Variants in FKBP10 observed in about 807,000 individuals in gnomAD.
FKBP10 encodes the protein peptidyl-prolyl cis-trans isomerase FKBP10.
In FKBP10, 34 loss-of-function variants were observed where a neutral mutation model predicts 53.7. The observed-to-expected ratio is 0.63, with a 90% CI of 0.48 to 0.84. The LOEUF is 0.84. FKBP10 is among the 40% of genes least tolerant of loss of function. The pLI is 0.00. For missense variants in FKBP10, 748 were observed against 797.8 expected, an observed-to-expected ratio of 0.94 and a Z score of 0.75; for synonymous variants, 324 against 335.7, an observed-to-expected ratio of 0.97 and a Z score of 0.38.
At chr17:41,819,504 C>T (rs532883934) in intron 5 of FKBP10, 26 bp from the exon 6 acceptor site, 2 of 1,614,054 alleles carry the variant, frequency 1.2e-6, no homozygotes, top group Admixed American at 1.7e-5. Context: ...TGACTCCCTT[C>T]CTGGCCCTCC....
chr17:41,817,503 T>C (rs1033015087), intron 2 of FKBP10, among the ~76,000 whole-genome samples: 12 of 152,004 alleles, frequency 7.9e-5, no homozygotes, highest in African/African-American at 2.7e-4. Context: ...TGGTGGTGTG[T>C]GCCTGTAGTC....
chr17:41,816,503 G>C (rs142936259), intron 1 of FKBP10, among the ~76,000 whole-genome samples: 29 of 152,010 alleles, frequency 1.9e-4, no homozygotes, highest in African/African-American at 7.0e-4. Flanking sequence ...CTGCTCTCCC[G>C]TCTTTTCTTG....
At chr17:41,820,849 G>A (rs1029583646) in intron 7 of FKBP10, 98 bp from the exon 8 acceptor site, 27 of 1,511,632 alleles carry the variant, frequency 1.8e-5, no homozygotes, top group Admixed American at 1.0e-4. Flanking sequence ...GAGTAACTCC[G>A]GAACTGAGGG....
intron 4 of FKBP10, chr17:41,818,844 A>G: frequency 4.8e-6 from 2 of 417,582 alleles, no homozygotes; most frequent in South Asian, 4.4e-5. Context: ...AGTCCCAGCT[A>G]CTCGGAGAGG....
chr17:41,819,730 T>A (rs2047866344), intron 6 of FKBP10, 55 bp downstream of exon 6: 32 of 1,563,008 alleles, frequency 2.0e-5, no homozygotes, highest in Non-Finnish European at 2.8e-5. Flanking sequence ...GCCCATTGTG[T>A]CTAGGCCACC....
At chr17:41,815,264 C>T (rs1439494560) in intron 1 of FKBP10, among the ~76,000 whole-genome samples, 8 of 152,138 alleles carry the variant, frequency 5.3e-5, no homozygotes, top group Admixed American at 3.3e-4. Flanking sequence ...CCTCGTGATC[C>T]GCCCACCTCG....
In FKBP10 at chr17:41,813,210, T is replaced by C. The variant is rs958210960; in HGVS notation, c.176T>C (p.Val59Ala). 1.2e-6 allele frequency: 2 copies of C among 1,613,448 alleles called. No individual in the cohort carries two copies. Among genetic ancestry groups the C allele is most frequent in the Admixed American group, 1.7e-5 (1 of 60,010 alleles). ...ATCCCCAGGGCCTGTCCCCGGGAAG[T>C]GCAGATGGGGGATTTTGTGCGCTAC... ...YHIPRACPRE[V>A]QMGDFVRYHY... The change falls in exon 1 of 10, where the codon GTG (valine) becomes GCG (alanine). Residue 59 changes from valine (V) to alanine (A), a missense_variant. Transcript: ENST00000321562.
rs541858363 is a variant in FKBP10, at chr17:41,813,419, TCCCCAAAGATAC to T, written c.245+143_245+154del. On this transcript the variant is annotated intron_variant, in intron 1 of 9. Coordinates refer to ENST00000321562, the MANE Select transcript of FKBP10 (RefSeq NM_021939.4). Reference sequence around the variant, plus strand: ...CCCTGGGGCCTCCCAGACACCCATCTCCCCAAAGATACCCTCCTGCCCCCACTTCCAAACCCT... The same window carrying T: ...CCCTGGGGCCTCCCAGACACCCATCTCCTCCTGCCCCCACTTCCAAACCCT... 7 of 1,073,324 alleles carry T rather than the reference TCCCCAAAGATAC, an allele frequency of 6.5e-6. No homozygotes were observed. The African/African-American group carries it at 9.4e-5, about 14-fold the overall frequency. 66.5% of individuals were successfully genotyped at this position (1,073,324 alleles called of 1,614,324 possible). A position where few individuals can be genotyped will look rare whatever the true frequency, so the allele number is the denominator to read the frequency against.
rs529337443 is a variant in FKBP10, at chr17:41,818,189, G to A, written c.492G>A (p.Pro164=). The change falls in exon 3 of 10, where the codon CCG becomes CCA. Residue 164 remains proline (P), a synonymous_variant. Coordinates refer to ENST00000321562, the MANE Select transcript of FKBP10 (RefSeq NM_021939.4). ...DTVQVSTLLR[P]PHCPRMVQDG... The stretch of plus-strand genomic sequence containing the variant: ...TGCAGGTGAGCACATTGCTGCGCCC[G>A]CCCCACTGCCCCCGCATGGTCCAGG... 43 of 1,613,504 alleles carry A rather than the reference G, an allele frequency of 2.7e-5. No homozygotes were observed. The highest frequency in any genetic ancestry group is 1.3e-4 in the East Asian group (6 of 44,880).
Position 41,818,150 on chromosome 17 carries a change from C to T in FKBP10, c.453C>T (p.Asn151=). Residue 151 remains asparagine (N), a synonymous_variant, in exon 3 of 10, where the codon AAC becomes AAT. Coordinates refer to ENST00000321562, the MANE Select transcript of FKBP10 (RefSeq NM_021939.4). ...ATGTGGTTCTGCTGGATGTGTGGAACAAGGAAGACACCGTGCAGGTGAGCA... is the reference window on the plus strand; with the variant it reads ...ATGTGGTTCTGCTGGATGTGTGGAATAAGGAAGACACCGTGCAGGTGAGCA... ...YFDVVLLDVW[N]KEDTVQVSTL... The T allele has an allele frequency of 6.8e-6, 11 of 1,613,856 alleles. No individual in the cohort carries two copies. The highest frequency in any genetic ancestry group is 1.3e-5 in the African/African-American group (1 of 75,062).
At position 41,819,767 on chromosome 17, in the gene FKBP10, C is replaced by G. The variant is rs782194629; in HGVS notation, c.1063+92C>G. On this transcript the variant is annotated intron_variant, in intron 6 of 9. Coordinates refer to ENST00000321562, the MANE Select transcript of FKBP10 (RefSeq NM_021939.4). ...CCTCCCACAGTGGGATTCCAGGCACCGCTCGGCCCCTCTCATCACAAAAAC... is the reference window on the plus strand; with the variant it reads ...CCTCCCACAGTGGGATTCCAGGCACGGCTCGGCCCCTCTCATCACAAAAAC... 1.6e-5 allele frequency: 25 copies of G among 1,546,356 alleles called. No individual in the cohort carries two copies. In the South Asian group the frequency reaches 2.9e-4, roughly 18 times the overall value.
rs1402150304 is a variant in FKBP10 at position 41,815,143 on chromosome 17, A to G, written c.245+1864A>G. Among the ~76,000 whole-genome samples, 10 of 152,128 alleles carry G rather than the reference A, an allele frequency of 6.6e-5. 1 individual carries two copies. In the South Asian group the frequency reaches 2.1e-3, roughly 32 times the overall value. ...TATGTTGGCCAGACTGGTCTTGAAA[A>G]AGGCGGGTGGGTATTATAAGAAGAC... On this transcript the variant is annotated intron_variant, in intron 1 of 9. Coordinates refer to ENST00000321562, the MANE Select transcript of FKBP10 (RefSeq NM_021939.4).
intron 6 of FKBP10, 55 bp downstream of exon 6, chr17:41,819,730 T>C: frequency 6.4e-7 from 1 of 1,563,008 alleles, no homozygotes; most frequent in East Asian, 2.4e-5. Flanking sequence ...GCCCATTGTG[T>C]CTAGGCCACC....
intron 4 of FKBP10, chr17:41,818,899 T>TGAGCC (rs782715291): frequency 2.8e-5 from 11 of 399,458 alleles, no homozygotes; most frequent in East Asian, 1.6e-4. Flanking sequence ...GAGCTTGCAG[T>TGAGCC]GAGCCGAGAT....
chr17:41,815,205 C>T (rs117063665), intron 1 of FKBP10, among the ~76,000 whole-genome samples: 11,868 of 152,238 alleles, frequency 0.078, 578 homozygotes, highest in South Asian at 0.09. Context: ...TGGCTCCCTG[C>T]GGAGGCCCTG....
chr17:41,813,597 T>C (rs1555615746), intron 1 of FKBP10, among the ~76,000 whole-genome samples: 1 of 152,100 alleles, frequency 6.6e-6, no homozygotes, highest in African/African-American at 2.4e-5. Context: ...ATCTACAGTG[T>C]TGGGGGGAAG....
chr17:41,822,788 G>A lies in FKBP10; in HGVS notation c.*380G>A. On this transcript the variant is annotated 3_prime_UTR_variant, in exon 10 of 10. Transcript: ENST00000321562. Reference sequence around the variant, plus strand: ...AACTTTCTCTTTCTTTGTACTTCTTGTCATCCCCACTCCCAGCCCCTTTTC... The same window carrying A: ...AACTTTCTCTTTCTTTGTACTTCTTATCATCCCCACTCCCAGCCCCTTTTC... 1 of 348,476 alleles carries A rather than the reference G, an allele frequency of 2.9e-6. No individual in the cohort carries two copies. 21.6% of individuals were successfully genotyped at this position (348,476 alleles called of 1,614,324 possible). A position where few individuals can be genotyped will look rare whatever the true frequency, so the allele number is the denominator to read the frequency against.
chr17:41,813,212 C>G lies in FKBP10; in HGVS notation c.178C>G (p.Gln60Glu). Residue 60 changes from glutamine (Q) to glutamate (E), a missense_variant, in exon 1 of 10, where the codon CAG (glutamine) becomes GAG (glutamate). Physicochemically the swap from Gln to Glu is conservative, Grantham distance 29. Coordinates refer to ENST00000321562, the MANE Select transcript of FKBP10 (RefSeq NM_021939.4). ...CCCCAGGGCCTGTCCCCGGGAAGTG[C>G]AGATGGGGGATTTTGTGCGCTACCA... ...HIPRACPREV[Q>E]MGDFVRYHYN... is the part of the protein sequence containing the mutation. 1 of 1,613,588 alleles carries G rather than the reference C, an allele frequency of 6.2e-7. No homozygotes were observed. The highest frequency in any genetic ancestry group is 8.5e-7 in the Non-Finnish European group (1 of 1,179,980).
In FKBP10 at chr17:41,821,771, T is replaced by TTG; in HGVS notation, c.1518_1519dup (p.Glu507ValfsTer25). 1 of 1,614,172 alleles carries TTG rather than the reference T, an allele frequency of 6.2e-7. No homozygotes were observed. Among genetic ancestry groups the TTG allele is most frequent in the Non-Finnish European group, 8.5e-7 (1 of 1,180,022 alleles). ...CACAAGGACCCTCCTGCCAACCTGT[T>TTG]TGAAGACATGGACCTCAACAAGGAT... On this transcript the variant is annotated frameshift_variant, in exon 9 of 10. Coordinates refer to ENST00000321562, the MANE Select transcript of FKBP10 (RefSeq NM_021939.4). LOFTEE classifies it high-confidence loss of function.
Sources: allele counts gnomAD v4.1 joint callset (sites outside exome capture counted in the v4.1 genomes callset), GRCh38; gene constraint gnomAD v4.1.1; transcripts MANE v1.5; gene names NCBI Gene and HGNC (gene_info 2026-07-23, HGNC 2026-07-21).